SMG6: variants seen among roughly 807,000 people sequenced by gnomAD.
SMG6 encodes SMG6 nonsense mediated mRNA decay factor.
In SMG6, 66 loss-of-function variants were observed where a neutral mutation model predicts 142.2. The observed-to-expected ratio is 0.46, with a 90% CI of 0.38 to 0.57. The LOEUF (loss-of-function observed/expected upper bound fraction) is 0.57. Among genes scored for constraint, SMG6 ranks in the 20% least tolerant of loss-of-function variants. The pLI, the probability that SMG6 is intolerant of heterozygous loss-of-function variation, is 0.00. For missense variants in SMG6, 1,793 were observed against 1,832.0 expected (o/e 0.98, Z 0.39); for synonymous variants, 779 against 702.4 (o/e 1.11, Z -1.72).
At chr17:2,108,654 T>A (rs746771429) in intron 13 of SMG6, among the ~76,000 whole-genome samples, 4 of 151,616 alleles carry the variant, frequency 2.6e-5, no homozygotes, top group African/African-American at 4.9e-5. Context: ...AATAAAAAAA[T>A]TCTGAGCCAG....
intron 13 of SMG6, among the ~76,000 whole-genome samples, chr17:2,114,959 T>TAAAAAAAA (rs1491429098): frequency 1.4e-5 from 1 of 73,240 alleles, no homozygotes; most frequent in African/African-American, 6.8e-5. Flanking sequence ...AATAAAAAAA[T>TAAAAAAAA]GAAATGAAAT....
At chr17:2,242,806 A>C (rs2151298957) in intron 9 of SMG6, among the ~76,000 whole-genome samples, 1 of 151,946 alleles carries the variant, frequency 6.6e-6, no homozygotes, top group Non-Finnish European at 1.5e-5. Context: ...TTTTAAGATG[A>C]TACCGATATC....
At chr17:2,161,779 T>G (rs2071186553) in intron 13 of SMG6, among the ~76,000 whole-genome samples, 1 of 152,198 alleles carries the variant, frequency 6.6e-6, no homozygotes, top group Non-Finnish European at 1.5e-5. Flanking sequence ...TGAGGTGCTT[T>G]TGAATCCAGG....
rs141944516 is a variant in SMG6, at chr17:2,172,665, G to A, written c.3350C>T (p.Ser1117Leu). ...PQDPCYVEKTSDKVIAADCKR... is the reference protein window; with the variant it reads ...PQDPCYVEKTLDKVIAADCKR... ...GTTTGGCCTGGGGCTGACCTTATCC[G>A]AGGTTTTCTCCACGTAGCAGGGGTC... Residue 1117 changes from serine (S) to leucine (L), a missense_variant, in exon 13 of 19, where the codon TCG (serine) becomes TTG (leucine). By Grantham distance (145) the Ser-to-Leu change is moderately radical (BLOSUM62 -2). Around this residue, in one of 3 missense-constraint regions of SMG6, gnomAD observed 1,597 missense variants for 1,584.6 expected, o/e 1.01. Transcript: ENST00000263073. 12 of 1,613,408 alleles carry A rather than the reference G, an allele frequency of 7.4e-6. No individual in the cohort carries two copies. Among genetic ancestry groups the A allele is most frequent in the South Asian group, 2.2e-5 (2 of 91,036 alleles).
chr17:2,192,573 C>G (rs1259322234), intron 10 of SMG6, among the ~76,000 whole-genome samples: 14 of 152,222 alleles, frequency 9.2e-5, no homozygotes, highest in Non-Finnish European at 1.9e-4. Context: ...TCCCTCCCCA[C>G]TGTCTCCTCC....
rs765099579 is a variant in SMG6, at chr17:2,186,802, C to T, written c.3016G>A (p.Asp1006Asn). The T allele has an allele frequency of 6.2e-7, 1 of 1,614,162 alleles. No individual in the cohort carries two copies. The highest frequency in any genetic ancestry group is 1.7e-5 in the Admixed American group (1 of 60,034). Residue 1006 changes from aspartate (D) to asparagine (N), a missense_variant, in exon 12 of 19, where the codon GAC becomes AAC. Physicochemically the swap from Asp to Asn is conservative, Grantham distance 23. Transcript: ENST00000263073. ...AQLSSPEDQD[D>N]QDDIKVSSFV... ...GAAGACACCTTGATGTCGTCTTGGT[C>T]ATCCTGGTCCTCAGGAGAGGACAGC... is the stretch of plus-strand genomic sequence containing the variant.
chr17:2,208,032 G>C (rs930131424), intron 10 of SMG6, among the ~76,000 whole-genome samples: 5 of 152,200 alleles, frequency 3.3e-5, no homozygotes, highest in African/African-American at 1.2e-4. Context: ...GGGAGGTCGA[G>C]GTGGGAGGAT....
At chr17:2,234,638 G>T (rs532126537) in intron 10 of SMG6, among the ~76,000 whole-genome samples, 22 of 152,068 alleles carry the variant, frequency 1.4e-4, no homozygotes, top group Non-Finnish European at 2.6e-4. Flanking sequence ...AAAAGGCCAA[G>T]GTATTCCTTT....
chr17:2,211,666 T>TAAAA lies in SMG6; in HGVS notation c.2870-23155_2870-23152dup, dbSNP rs58516730. ...GAGACAGAGCGAGACTCCATCTAAT[T>TAAAA]AAAAAAAAAAAAAAAAAGGGCGTTC... On this transcript the variant is annotated intron_variant, in intron 10 of 18. Transcript: ENST00000263073. Among the ~76,000 whole-genome samples, 100 of 135,170 alleles carry TAAAA rather than the reference T, an allele frequency of 7.4e-4. 1 individual carries two copies. The highest frequency in any genetic ancestry group is 4.0e-3 in the East Asian group (17 of 4,284). 88.7% of individuals were successfully genotyped at this position (135,170 alleles called of 152,430 possible). A position where few individuals can be genotyped will look rare whatever the true frequency, so the allele number is the denominator to read the frequency against.
At chr17:2,225,192 T>C (rs963810737) in intron 10 of SMG6, among the ~76,000 whole-genome samples, 1 of 151,466 alleles carries the variant, frequency 6.6e-6, no homozygotes, top group African/African-American at 2.4e-5. Context: ...TACAGGTGAG[T>C]TAAGGCCAGG....
At chr17:2,073,364 G>C (rs534726701) in intron 15 of SMG6, among the ~76,000 whole-genome samples, 1 of 152,012 alleles carries the variant, frequency 6.6e-6, no homozygotes, top group Admixed American at 6.6e-5. Flanking sequence ...GATTACAGGC[G>C]TAAGCCACTG....
At chr17:2,174,520 A>G (rs1233492275) in intron 12 of SMG6, among the ~76,000 whole-genome samples, 1 of 152,208 alleles carries the variant, frequency 6.6e-6, no homozygotes, top group African/African-American at 2.4e-5. Context: ...GAAATGAAAC[A>G]TCTTGTTTTC....
chr17:2,070,492 C>A (rs969959107), intron 15 of SMG6, among the ~76,000 whole-genome samples: 1 of 152,194 alleles, frequency 6.6e-6, no homozygotes, highest in African/African-American at 2.4e-5. Context: ...GACGTGCGTG[C>A]CAACCGAGAT....
chr17:2,081,812 G>C lies in SMG6; in HGVS notation c.3679C>G (p.Gln1227Glu), dbSNP rs377370170. ...CACGCTCCCCAGGCCGACTTCACCTGGATCTTTTCCTGGCGACGCTGCTGC... is the reference window on the plus strand; with the variant it reads ...CACGCTCCCCAGGCCGACTTCACCTCGATCTTTTCCTGGCGACGCTGCTGC... ...AEQQRRQEKIQAVLEDHSQMR... is the reference protein window; with the variant it reads ...AEQQRRQEKIEAVLEDHSQMR... The change falls in exon 15 of 19, where the codon CAG (glutamine) becomes GAG (glutamate). Residue 1227 changes from glutamine (Q) to glutamate (E), a missense_variant and splice_region_variant. Transcript: ENST00000263073. The C allele has an allele frequency of 7.4e-6, 12 of 1,613,184 alleles. No individual in the cohort carries two copies. Among genetic ancestry groups the C allele is most frequent in the Admixed American group, 1.7e-5 (1 of 60,012 alleles).
chr17:2,192,394 G>A (rs985979187), intron 10 of SMG6, among the ~76,000 whole-genome samples: 1 of 152,208 alleles, frequency 6.6e-6, no homozygotes, highest in Non-Finnish European at 1.5e-5. Flanking sequence ...GAGTAATGAA[G>A]AGAAGACACA....
intron 10 of SMG6, among the ~76,000 whole-genome samples, chr17:2,191,753 C>T (rs1337636283): frequency 6.6e-6 from 1 of 152,170 alleles, no homozygotes; most frequent in African/African-American, 2.4e-5. Context: ...CAGAAATATT[C>T]TTCTTGCTCC....
chr17:2,169,600 T>G (rs1038796807), intron 13 of SMG6, among the ~76,000 whole-genome samples: 1 of 152,138 alleles, frequency 6.6e-6, no homozygotes, highest in African/African-American at 2.4e-5. Context: ...GCAAAGACCC[T>G]GAGGCATGAG....
intron 12 of SMG6, among the ~76,000 whole-genome samples, chr17:2,185,352 C>A (rs2071944988): frequency 2.6e-5 from 4 of 152,078 alleles, no homozygotes; most frequent in Admixed American, 6.5e-5. Context: ...TAGACAAGCA[C>A]AGAGTCGGAC....
intron 13 of SMG6, among the ~76,000 whole-genome samples, chr17:2,104,233 G>C (rs939571097): frequency 1.3e-5 from 2 of 152,026 alleles, no homozygotes; most frequent in South Asian, 4.2e-4. Flanking sequence ...TTACAGGCGT[G>C]AGCCACCGCG....
Sources: gnomAD v4.1 joint callset for allele counts (sites outside exome capture counted in the v4.1 genomes callset) on GRCh38, gnomAD v4.1.1 for gene constraint, gnomAD v4.1.1 regional missense constraint, MANE v1.5 for transcripts, NCBI Gene and HGNC (gene_info 2026-07-23, HGNC 2026-07-21) for gene names.